The following FLAD1 variants were observed in gnomAD, a reference collection of about 807,000 sequenced individuals.
The protein encoded by FLAD1 is flavin adenine dinucleotide synthetase 1.
FLAD1 carries 35 observed loss-of-function variants against 55.0 expected under a neutral mutation model. That is an observed-to-expected ratio of 0.64 (90% CI 0.49 to 0.84). The LOEUF (loss-of-function observed/expected upper bound fraction) is 0.84, where lower values mean the gene tolerates loss of function less well. Ranked by LOEUF, FLAD1 falls within the 40% of genes least tolerant of loss-of-function variation. FLAD1 has a pLI of 0.00. For missense variants in FLAD1, 665 were observed against 742.6 expected, an observed-to-expected ratio of 0.90 and a Z score of 1.21; for synonymous variants, 267 against 303.0, an observed-to-expected ratio of 0.88 and a Z score of 1.23.
intron 5 of FLAD1, among the ~76,000 whole-genome samples, chr1:154,991,957 A>T (rs993025512): frequency 1.3e-5 from 2 of 150,562 alleles, no homozygotes; most frequent in Non-Finnish European, 3.0e-5. Context: ...CCTGACCAAC[A>T]TGGTGAAACC....
Position 154,993,093 on chromosome 1 carries a change from A to C in FLAD1, c.*56A>C. On this transcript the variant is annotated 3_prime_UTR_variant, in exon 7 of 7. Transcript: ENST00000292180. ...CGTCCTAGGGTATAACCTGGCAATA[A>C]ACCGTGCCTCTCACTGTGCCTGTTG... The C allele has an allele frequency of 1.3e-6, 2 of 1,533,760 alleles. No homozygotes were observed. Among genetic ancestry groups the C allele is most frequent in the Non-Finnish European group, 9.0e-7 (1 of 1,109,834 alleles).
chr1:154,983,680 G>A lies in FLAD1; in HGVS notation c.-15G>A, dbSNP rs1657428369. ...AGTTTTTAAGACTAGAGCTAAGCAA[G>A]ACATTTAAAAGGACATGGGTTGGGA... is the stretch of plus-strand genomic sequence containing the variant. On this transcript the variant is annotated 5_prime_UTR_variant, in exon 1 of 7. Transcript: ENST00000292180. 2 of 1,597,820 alleles carry A rather than the reference G, an allele frequency of 1.3e-6. No homozygotes were observed. Among genetic ancestry groups the A allele is most frequent in the African/African-American group, 2.7e-5 (2 of 74,138 alleles).
intron 1 of FLAD1, among the ~76,000 whole-genome samples, chr1:154,984,417 A>G (rs1657468863): frequency 6.6e-6 from 1 of 152,152 alleles, no homozygotes; most frequent in Non-Finnish European, 1.5e-5. Context: ...TGTGTATTGT[A>G]TATTTAAGAG....
rs1490002683 is a variant in FLAD1, at chr1:154,988,820, G to C, written c.1088G>C (p.Ser363Thr). Residue 363 changes from serine to threonine, a missense_variant, in exon 2 of 7, where the codon AGT becomes ACT. Physicochemically the swap from Ser to Thr is moderately conservative, Grantham distance 58. Coordinates refer to ENST00000292180, the MANE Select transcript of FLAD1 (RefSeq NM_025207.5). ...PYMPNAVEQASEAVYKLAESG... is the reference protein window; with the variant it reads ...PYMPNAVEQATEAVYKLAESG... ...ATGCCCAACGCTGTGGAGCAGGCCAGTGAGGCTGTATACAAACTCGCTGAA... is the reference window on the plus strand; with the variant it reads ...ATGCCCAACGCTGTGGAGCAGGCCACTGAGGCTGTATACAAACTCGCTGAA... The C allele has an allele frequency of 3.7e-6, 6 of 1,614,118 alleles. No homozygotes were observed.
At chr1:154,985,051 T>A (rs1167463339) in intron 1 of FLAD1, among the ~76,000 whole-genome samples, 2 of 142,178 alleles carry the variant, frequency 1.4e-5, no homozygotes, top group African/African-American at 5.2e-5. Flanking sequence ...TTTTTTTTTT[T>A]TTTTTTTTTT....
At position 154,983,691 on chromosome 1, in the gene FLAD1, G is replaced by C. The variant is rs772426472; in HGVS notation, c.-4G>C. 1.9e-6 allele frequency: 3 copies of C among 1,605,704 alleles called. No homozygotes were observed. In the South Asian group the frequency reaches 3.3e-5, roughly 18 times the overall value. On this transcript the variant is annotated 5_prime_UTR_variant, in exon 1 of 7. Coordinates refer to ENST00000292180, the MANE Select transcript of FLAD1 (RefSeq NM_025207.5). ...CTAGAGCTAAGCAAGACATTTAAAA[G>C]GACATGGGTTGGGATTTGGGAACAC...
At position 154,990,443 on chromosome 1, in the gene FLAD1, G is replaced by A. The variant is rs201707334; in HGVS notation, c.1469G>A (p.Arg490Gln). 2.1e-5 allele frequency: 34 copies of A among 1,614,132 alleles called. No homozygotes were observed. The highest frequency in any genetic ancestry group is 1.6e-4 in the African/African-American group (12 of 75,034). Residue 490 changes from arginine (R) to glutamine (Q), a missense_variant, in exon 5 of 7, where the codon CGG becomes CAG. Physicochemically the swap from Arg to Gln is conservative, Grantham distance 43 (BLOSUM62 1). Transcript: ENST00000292180. ...QLEAVLMGTRRTDPYSCSLCP... is the reference protein window; with the variant it reads ...QLEAVLMGTRQTDPYSCSLCP... ...GAGGCTGTCCTTATGGGCACCCGCC[G>A]GACTGACCCCTACTCCTGTAGCCTC...
chr1:154,989,324 C>T (rs1302014097), intron 2 of FLAD1, among the ~76,000 whole-genome samples: 2 of 152,200 alleles, frequency 1.3e-5, no homozygotes, highest in African/African-American at 2.4e-5. Context: ...CCACACCCCA[C>T]ACCCCCTGCT....
At position 154,990,197 on chromosome 1, in the gene FLAD1, A is replaced by G. The variant is rs1298557595; in HGVS notation, c.1304A>G (p.Tyr435Cys). The G allele has an allele frequency of 6.2e-7, 1 of 1,614,112 alleles. No homozygotes were observed. Among genetic ancestry groups the G allele is most frequent in the Non-Finnish European group, 8.5e-7 (1 of 1,179,990 alleles). Reference protein sequence around the residue: ...PDVPNPLQILYIRSISPFPEL... With the variant: ...PDVPNPLQILCIRSISPFPEL... Reference sequence around the variant, plus strand: ...GTTCCAAACCCCCTCCAGATCCTGTATATCCGCAGCATCTCCCCTTTCCCT... The same window carrying G: ...GTTCCAAACCCCCTCCAGATCCTGTGTATCCGCAGCATCTCCCCTTTCCCT... The change falls in exon 4 of 7, where the codon TAT becomes TGT. Residue 435 changes from tyrosine (Y) to cysteine (C), a missense_variant. Coordinates refer to ENST00000292180, the MANE Select transcript of FLAD1 (RefSeq NM_025207.5).
intron 1 of FLAD1, among the ~76,000 whole-genome samples, chr1:154,984,297 G>GA (rs1657464224): frequency 1.3e-5 from 2 of 151,882 alleles, no homozygotes; most frequent in Non-Finnish European, 1.5e-5. Context: ...AGAGCTGATT[G>GA]AAAAAAAGAA....
At chr1:154,990,051 AG>A in intron 3 of FLAD1, 107 bp from the exon 4 acceptor site, 1 of 904,494 alleles carries the variant, frequency 1.1e-6, no homozygotes, top group Middle Eastern at 3.1e-4. Context: ...AGGAAAAGGG[AG>A]AAGGGGTGAG....
At chr1:154,989,840 C>T (rs1006222690) in intron 3 of FLAD1, 133 bp downstream of exon 3, 10 of 1,013,432 alleles carry the variant, frequency 9.9e-6, no homozygotes, top group Middle Eastern at 3.3e-4. Context: ...GTTCCATTCT[C>T]CCACCATATT....
chr1:154,988,627 G>GAGGCCC lies in FLAD1; in HGVS notation c.903_908dup (p.Gln301_Ala302dup). On this transcript the variant is annotated inframe_insertion, in exon 2 of 7. Transcript: ENST00000292180. ...AGCCTCCATCGCCCCCATTCTGGCT[G>GAGGCCC]AGGCCCAGGCCCACTTTGGACGTAG... 6.2e-7 allele frequency: 1 copy of GAGGCCC among 1,614,234 alleles called. No homozygotes were observed. Among genetic ancestry groups the GAGGCCC allele is most frequent in the Non-Finnish European group, 8.5e-7 (1 of 1,180,046 alleles).
rs1657773550 is a variant in FLAD1, at chr1:154,989,582, G to A, written c.1140G>A (p.Val380=). The change falls in exon 3 of 7, where the codon GTG becomes GTA. Residue 380 remains valine (V), a synonymous_variant. Transcript: ENST00000292180. ...AESGSSLGKK[V]AGALQTIETS... Reference sequence around the variant, plus strand: ...CAGGGTCTTCTTTGGGGAAAAAGGTGGCAGGTGCCCTACAGACCATTGAGA... The same window carrying A: ...CAGGGTCTTCTTTGGGGAAAAAGGTAGCAGGTGCCCTACAGACCATTGAGA... 1 of 1,584,542 alleles carries A rather than the reference G, an allele frequency of 6.3e-7. No individual in the cohort carries two copies. The highest frequency in any genetic ancestry group is 8.6e-7 in the Non-Finnish European group (1 of 1,163,934).
At chr1:154,992,012 G>A (rs146559430) in intron 5 of FLAD1, among the ~76,000 whole-genome samples, 3,822 of 151,588 alleles carry the variant, frequency 0.025, 61 homozygotes, top group Non-Finnish European at 0.035. Context: ...CTGTGGTGGC[G>A]CATGCCTGTA....
chr1:154,985,199 T>A (rs755495608), intron 1 of FLAD1, among the ~76,000 whole-genome samples: 3 of 151,264 alleles, frequency 2.0e-5, no homozygotes, highest in Non-Finnish European at 4.4e-5. Context: ...TAATCTTTTT[T>A]AATATTCTTT....
chr1:154,985,031 ATTTTTTTTTTTTTTTTTTT>A (rs749772991), intron 1 of FLAD1, among the ~76,000 whole-genome samples: 3 of 32,586 alleles, frequency 9.2e-5, no homozygotes, highest in African/African-American at 3.7e-4. Context: ...CACCTGGCTA[ATTTTTTTTTTTTTTTTTTT>A]TTTTTTTTTT....
intron 1 of FLAD1, among the ~76,000 whole-genome samples, chr1:154,985,595 T>C (rs1657549864): frequency 6.6e-6 from 1 of 151,582 alleles, no homozygotes; most frequent in Non-Finnish European, 1.5e-5. Flanking sequence ...TAGGGACGGA[T>C]GGGGTTTCGC....
In FLAD1 at chr1:154,990,241, C is replaced by T; in HGVS notation, c.1348C>T (p.Gln450Ter). Residue 450 changes from glutamine to a stop codon, truncating the protein, a stop_gained, in exon 4 of 7, where the codon CAG becomes TAG. Transcript: ENST00000292180. LOFTEE classifies it high-confidence loss of function. ...SPFPELEQFL[Q>*]DTIKRYNLQM... Reference sequence around the variant, plus strand: ...TTTCCCTGAGCTGGAACAGTTTCTACAGGACACTATCAAGAGGTACTAGGG... The same window carrying T: ...TTTCCCTGAGCTGGAACAGTTTCTATAGGACACTATCAAGAGGTACTAGGG... 6.2e-7 allele frequency: 1 copy of T among 1,614,100 alleles called. No homozygotes were observed. Among genetic ancestry groups the T allele is most frequent in the Non-Finnish European group, 8.5e-7 (1 of 1,179,962 alleles).
Sources: gnomAD v4.1 joint callset for allele counts (sites outside exome capture counted in the v4.1 genomes callset) on GRCh38, gnomAD v4.1.1 for gene constraint, MANE v1.5 for transcripts, NCBI Gene and HGNC (gene_info 2026-07-23, HGNC 2026-07-21) for gene names.